Variants in RNF180 observed in about 807,000 individuals in gnomAD.
RNF180 encodes the protein E3 ubiquitin-protein ligase RNF180.
In RNF180, 38 loss-of-function variants were observed where a neutral mutation model predicts 59.2. That is an observed-to-expected ratio of 0.64 (90% CI 0.50 to 0.84). The LOEUF is 0.84. Among genes scored for constraint, RNF180 ranks in the 40% least tolerant of loss-of-function variants. RNF180 has a pLI of 0.00. For synonymous variants in RNF180, 262 were observed against 240.3 expected (o/e 1.09, Z -0.84); for missense variants, 705 against 700.9 (o/e 1.01, Z -0.07).
intron 5 of RNF180, among the ~76,000 whole-genome samples, chr5:64,271,991 A>T (rs1305140476): frequency 6.6e-6 from 1 of 152,100 alleles, no homozygotes; most frequent in East Asian, 1.9e-4. Flanking sequence ...AAAATACAAT[A>T]GACTAGAAAT....
intron 5 of RNF180, among the ~76,000 whole-genome samples, chr5:64,296,915 C>T (rs1742910373): frequency 1.3e-5 from 2 of 152,108 alleles, no homozygotes; most frequent in Admixed American, 1.3e-4. Flanking sequence ...GGAACTCTCA[C>T]ACTTCATTCA....
At chr5:64,276,185 G>A (rs745387584) in intron 5 of RNF180, among the ~76,000 whole-genome samples, 5 of 152,004 alleles carry the variant, frequency 3.3e-5, no homozygotes, top group Non-Finnish European at 7.4e-5. Context: ...AAAATCAAAG[G>A]CCAAAAATTT....
At chr5:64,228,506 C>G (rs1267952038) in intron 5 of RNF180, among the ~76,000 whole-genome samples, 1 of 152,032 alleles carries the variant, frequency 6.6e-6, no homozygotes, top group South Asian at 2.1e-4. Flanking sequence ...AGAACAATAC[C>G]CTGTCTCAAA....
At chr5:64,334,934 G>A (rs1240383939) in intron 7 of RNF180, among the ~76,000 whole-genome samples, 2 of 152,152 alleles carry the variant, frequency 1.3e-5, no homozygotes, top group Non-Finnish European at 2.9e-5. Context: ...TGGGTCATAG[G>A]AAAAGCACAT....
At chr5:64,332,757 T>G (rs1049658218) in intron 7 of RNF180, among the ~76,000 whole-genome samples, 3 of 152,220 alleles carry the variant, frequency 2.0e-5, no homozygotes, top group African/African-American at 7.2e-5. Flanking sequence ...ACTGTGCAGT[T>G]TTCGTTATTT....
chr5:64,365,940 G>A (rs182201620), intron 7 of RNF180, among the ~76,000 whole-genome samples: 9 of 151,490 alleles, frequency 5.9e-5, no homozygotes, highest in African/African-American at 2.2e-4. Context: ...GCCAAGCTGT[G>A]CCTTTTTTTA....
chr5:64,279,045 A>G (rs374720358), intron 5 of RNF180, among the ~76,000 whole-genome samples: 1 of 152,138 alleles, frequency 6.6e-6, no homozygotes, highest in South Asian at 2.1e-4. Context: ...AGATATGACT[A>G]CTCAAGGAGA....
chr5:64,189,988 G>A (rs1751057995), intron 1 of RNF180, among the ~76,000 whole-genome samples: 1 of 152,190 alleles, frequency 6.6e-6, no homozygotes, highest in South Asian at 2.1e-4. Flanking sequence ...GCCTCCACAG[G>A]CCCAGAGCAC....
At chr5:64,280,764 G>A (rs1741971142) in intron 5 of RNF180, among the ~76,000 whole-genome samples, 1 of 152,066 alleles carries the variant, frequency 6.6e-6, no homozygotes, top group African/African-American at 2.4e-5. Flanking sequence ...CTTTGCTTAG[G>A]ATTGCTTTGG....
At chr5:64,350,183 T>G (rs1238630396) in intron 7 of RNF180, among the ~76,000 whole-genome samples, 1 of 152,200 alleles carries the variant, frequency 6.6e-6, no homozygotes, top group Non-Finnish European at 1.5e-5. Context: ...TGAGCATTTT[T>G]TCATGTGTCT....
At chr5:64,170,976 G>A (rs1331275326) in intron 1 of RNF180, among the ~76,000 whole-genome samples, 1 of 152,200 alleles carries the variant, frequency 6.6e-6, no homozygotes, top group Non-Finnish European at 1.5e-5. Flanking sequence ...TTGGCATAGT[G>A]CATTAAGAAT....
rs761928319 is a variant in RNF180 at position 64,369,673 on chromosome 5, G to A, written c.1638G>A (p.Arg546=). ...TRRQFPHGAH[R]MDYLHFEDDS... is the part of the protein sequence containing the mutation. ...GGCAGTTCCCACACGGTGCACACAG[G>A]ATGGATTACCTGCACTTTGAGGATG... Residue 546 remains arginine, a synonymous_variant, in exon 8 of 8, where the codon AGG becomes AGA. Coordinates refer to ENST00000389100, the MANE Select transcript of RNF180 (RefSeq NM_001113561.2). 1.3e-6 allele frequency: 2 copies of A among 1,546,928 alleles called. No homozygotes were observed. Among genetic ancestry groups the A allele is most frequent in the South Asian group, 1.2e-5 (1 of 83,468 alleles).
At chr5:64,248,131 G>A (rs1020597294) in intron 5 of RNF180, among the ~76,000 whole-genome samples, 3 of 152,116 alleles carry the variant, frequency 2.0e-5, no homozygotes, top group Non-Finnish European at 2.9e-5. Context: ...AGGCCTAAAC[G>A]TAAGACCTAA....
intron 2 of RNF180, among the ~76,000 whole-genome samples, chr5:64,203,609 T>A (rs576692987): frequency 6.6e-6 from 1 of 152,112 alleles, no homozygotes; most frequent in African/African-American, 2.4e-5. Context: ...TATTCATTTA[T>A]ATAAAATTGC....
intron 7 of RNF180, among the ~76,000 whole-genome samples, chr5:64,349,570 T>C (rs1029849229): frequency 6.6e-6 from 1 of 152,072 alleles, no homozygotes; most frequent in African/African-American, 2.4e-5. Context: ...CCTAATATGC[T>C]ATCTCTCCCC....
chr5:64,274,726 CA>C lies in RNF180; in HGVS notation c.1228-50459del, dbSNP rs1422170485. On this transcript the variant is annotated intron_variant, in intron 5 of 7. Coordinates refer to ENST00000389100, the MANE Select transcript of RNF180 (RefSeq NM_001113561.2). ...GGTGACTCTCTTTCTATCCTTTGTC[CA>C]GAGTGACTGGCTTCTACTGTACTGT... Among the ~76,000 whole-genome samples the C allele has an allele frequency of 4.6e-5, 7 of 151,884 alleles. No individual in the cohort carries two copies. In the South Asian group the frequency reaches 1.0e-3, roughly 23 times the overall value.
At chr5:64,226,078 G>T (rs1401970150) in intron 5 of RNF180, among the ~76,000 whole-genome samples, 10 of 150,140 alleles carry the variant, frequency 6.7e-5, no homozygotes, top group South Asian at 4.3e-4. Context: ...TGGGAAGTGA[G>T]GAGCGCCTCT....
At chr5:64,187,205 T>C (rs918826530) in intron 1 of RNF180, among the ~76,000 whole-genome samples, 2 of 152,192 alleles carry the variant, frequency 1.3e-5, no homozygotes, top group African/African-American at 4.8e-5. Flanking sequence ...AGAAGTGCTA[T>C]TCAACTTTAA....
rs553860063 is a variant in RNF180 at position 64,270,123 on chromosome 5, A to C, written c.1227+52727A>C. The stretch of plus-strand genomic sequence containing the variant: ...AAAGATTCTAATATCTTTTCATAGA[A>C]TATTTCATGGAATAAGTGGGTAAAC... On this transcript the variant is annotated intron_variant, in intron 5 of 7. Transcript: ENST00000389100. Among the ~76,000 whole-genome samples, 10 of 152,244 alleles carry C rather than the reference A, an allele frequency of 6.6e-5. No individual in the cohort carries two copies. In the East Asian group the frequency reaches 1.9e-3, roughly 29 times the overall value.
Sources: gnomAD v4.1 joint callset for allele counts (sites outside exome capture counted in the v4.1 genomes callset) on GRCh38, gnomAD v4.1.1 for gene constraint, MANE v1.5 for transcripts, NCBI Gene and HGNC (gene_info 2026-07-23, HGNC 2026-07-21) for gene names.